Variants in PCDH7 observed in about 807,000 individuals in gnomAD.
The protein encoded by PCDH7 is protocadherin-7.
PCDH7 carries 17 observed loss-of-function variants against 58.9 expected under a neutral mutation model. That is an observed-to-expected ratio of 0.29 (90% CI 0.20 to 0.43). The LOEUF (loss-of-function observed/expected upper bound fraction) is 0.43. PCDH7 is among the 20% of genes least tolerant of loss of function. PCDH7 has a pLI of 1.00. For missense variants in PCDH7, 1,274 were observed against 1,441.0 expected (o/e 0.88, Z 1.88); for synonymous variants, 664 against 616.4 (o/e 1.08, Z -1.14).
At chr4:30,873,572 C>T (rs776147191) in intron 1 of PCDH7, among the ~76,000 whole-genome samples, 2 of 151,810 alleles carry the variant, frequency 1.3e-5, no homozygotes, top group African/African-American at 2.4e-5. Flanking sequence ...TAGTTTCTCA[C>T]TTTTCTTAAA....
chr4:31,087,544 T>C (rs564677113), intron 3 of PCDH7, among the ~76,000 whole-genome samples: 1 of 152,180 alleles, frequency 6.6e-6, no homozygotes, highest in South Asian at 2.1e-4. Flanking sequence ...TAGATAGTTG[T>C]TGACATGGAA....
chr4:30,749,931 T>A (rs1718284258), intron 1 of PCDH7, among the ~76,000 whole-genome samples: 1 of 152,194 alleles, frequency 6.6e-6, no homozygotes, highest in African/African-American at 2.4e-5. Context: ...TCTGTAAAAA[T>A]GATTATAATA....
intron 1 of PCDH7, among the ~76,000 whole-genome samples, chr4:30,829,089 T>C (rs1729464513): frequency 6.6e-6 from 1 of 152,064 alleles, no homozygotes; most frequent in Non-Finnish European, 1.5e-5. Flanking sequence ...CTGCACTTTA[T>C]TTCATTGCTT....
intron 1 of PCDH7, among the ~76,000 whole-genome samples, chr4:30,918,365 A>C (rs951969754): frequency 1.3e-5 from 2 of 152,126 alleles, no homozygotes; most frequent in Non-Finnish European, 2.9e-5. Context: ...GGGAGAAAAG[A>C]AAATATGCAC....
chr4:30,773,493 T>G (rs2109280842), intron 1 of PCDH7, among the ~76,000 whole-genome samples: 1 of 152,250 alleles, frequency 6.6e-6, no homozygotes, highest in Admixed American at 6.5e-5. Context: ...TCTATTTTTT[T>G]TTTCTTTTTC....
At chr4:30,726,589 G>A (rs138527632) in intron 1 of PCDH7, among the ~76,000 whole-genome samples, 56 of 152,064 alleles carry the variant, frequency 3.7e-4, no homozygotes, top group African/African-American at 1.3e-3. Flanking sequence ...CTAATATATG[G>A]TGTTAGCCTT....
intron 1 of PCDH7, among the ~76,000 whole-genome samples, chr4:30,776,060 C>T (rs1722030726): frequency 6.6e-6 from 1 of 152,184 alleles, no homozygotes; most frequent in East Asian, 1.9e-4. Context: ...CCATGGTCGT[C>T]TTTCATTGTC....
At chr4:31,105,059 A>G (rs1372883328) in intron 3 of PCDH7, among the ~76,000 whole-genome samples, 1 of 152,144 alleles carries the variant, frequency 6.6e-6, no homozygotes, top group Non-Finnish European at 1.5e-5. Flanking sequence ...GACCCAAAGG[A>G]TGGCGCCTAC....
chr4:30,803,366 A>G (rs932724178), intron 1 of PCDH7, among the ~76,000 whole-genome samples: 1 of 152,206 alleles, frequency 6.6e-6, no homozygotes, highest in Non-Finnish European at 1.5e-5. Context: ...GAGAATGGTG[A>G]TGATTTATAG....
intron 3 of PCDH7, among the ~76,000 whole-genome samples, chr4:30,957,848 A>G (rs1748013579): frequency 1.3e-5 from 2 of 152,224 alleles, no homozygotes; most frequent in South Asian, 4.1e-4. Context: ...CGGCTAACGC[A>G]TTAATTTGCT....
At chr4:31,069,752 C>G (rs1758389316) in intron 3 of PCDH7, among the ~76,000 whole-genome samples, 1 of 151,614 alleles carries the variant, frequency 6.6e-6, no homozygotes, top group South Asian at 2.1e-4. Flanking sequence ...TTTTCCTTAA[C>G]ACTTTTGTCA....
intron 3 of PCDH7, among the ~76,000 whole-genome samples, chr4:31,032,256 C>T (rs535086030): frequency 6.6e-6 from 1 of 152,202 alleles, no homozygotes; most frequent in African/African-American, 2.4e-5. Context: ...TCATGTGGCT[C>T]ATATTCTTTT....
rs117730275 is a variant in PCDH7, at chr4:30,935,922, G to C, written c.288-14198G>C. ...TTGCAATACAATTGGAGCACAAAAG[G>C]CTTCATGAAGTAATCTAAAGGCACC... On this transcript the variant is annotated intron_variant, in intron 2 of 3. Transcript: ENST00000509759. 4.2e-3 allele frequency among the ~76,000 whole-genome samples: 637 copies of C among 152,040 alleles called. 8 individuals are homozygous for C. The highest frequency in any genetic ancestry group is 0.028 in the East Asian group (147 of 5,182).
At chr4:30,924,753 T>C (rs1435361205) in intron 2 of PCDH7, among the ~76,000 whole-genome samples, 1 of 151,924 alleles carries the variant, frequency 6.6e-6, no homozygotes, top group Admixed American at 6.6e-5. Flanking sequence ...TTAAGACATT[T>C]CACAATAGAA....
chr4:30,910,692 GC>G (rs1207152068), intron 1 of PCDH7, among the ~76,000 whole-genome samples: 1 of 152,100 alleles, frequency 6.6e-6, no homozygotes, highest in Non-Finnish European at 1.5e-5. Flanking sequence ...AAATGGGAAT[GC>G]TTTTACACTG....
At chr4:30,915,841 T>C (rs1363237086) in intron 1 of PCDH7, among the ~76,000 whole-genome samples, 2 of 152,032 alleles carry the variant, frequency 1.3e-5, no homozygotes, top group African/African-American at 2.4e-5. Context: ...TTTTTTCAAA[T>C]TGCTTGCTTC....
In PCDH7 at chr4:30,952,413, C is replaced by T. The variant is rs150188926; in HGVS notation, c.*7+2198C>T. 1.3e-4 allele frequency among the ~76,000 whole-genome samples: 20 copies of T among 150,222 alleles called. No homozygotes were observed. The East Asian group carries it at 3.9e-3, about 30-fold the overall frequency. On this transcript the variant is annotated intron_variant, in intron 3 of 3. Transcript: ENST00000509759. ...GGAAAACAGTTGTATCAATTTACCA[C>T]TAAAGGAAAACAGTGGATAAGTAAA...
At chr4:30,799,664 T>A (rs1257689681) in intron 1 of PCDH7, among the ~76,000 whole-genome samples, 1 of 152,192 alleles carries the variant, frequency 6.6e-6, no homozygotes, top group Non-Finnish European at 1.5e-5. Context: ...TTACTCATGA[T>A]GTGACAAATT....
intron 1 of PCDH7, among the ~76,000 whole-genome samples, chr4:30,851,420 A>G (rs574681014): frequency 1.5e-4 from 23 of 152,114 alleles, no homozygotes; most frequent in African/African-American, 5.3e-4. Flanking sequence ...AAAATGTGAC[A>G]TAAGACATTC....
Sources: allele counts gnomAD v4.1 joint callset (sites outside exome capture counted in the v4.1 genomes callset), GRCh38; gene constraint gnomAD v4.1.1; transcripts MANE v1.5; gene names NCBI Gene and HGNC (gene_info 2026-07-23, HGNC 2026-07-21).